Variants in EPHB1 observed in about 807,000 individuals in gnomAD.
The protein encoded by EPHB1 is ephrin type-B receptor 1.
A neutral mutation model predicts 94.4 loss-of-function variants in EPHB1; 30 were observed. The observed-to-expected ratio is 0.32, with a 90% CI of 0.24 to 0.43. The LOEUF is 0.43. Among genes scored for constraint, EPHB1 ranks in the 20% least tolerant of loss-of-function variants. EPHB1 has a pLI of 1.00. For missense variants in EPHB1, 1,055 were observed against 1,308.3 expected (o/e 0.81, Z 2.99); for synonymous variants, 522 against 489.1 (o/e 1.07, Z -0.89).
At chr3:134,897,042 G>A (rs1159015570) in intron 1 of EPHB1, among the ~76,000 whole-genome samples, 1 of 152,220 alleles carries the variant, frequency 6.6e-6, no homozygotes, top group Non-Finnish European at 1.5e-5. Context: ...ATACTTGGAG[G>A]GTTTTTCTGA....
chr3:135,053,163 G>A (rs1002197185), intron 3 of EPHB1, among the ~76,000 whole-genome samples: 1 of 85,580 alleles, frequency 1.2e-5, no homozygotes, highest in Non-Finnish European at 2.1e-5. Context: ...TTCTAGGAAG[G>A]TATTTTTTAG....
chr3:135,201,668 T>C lies in EPHB1; in HGVS notation c.2325T>C (p.Asp775=). The change falls in exon 12 of 16, where the codon GAT becomes GAC. Residue 775 remains aspartate, a synonymous_variant. Coordinates refer to ENST00000398015, the MANE Select transcript of EPHB1 (RefSeq NM_004441.5). Reference sequence around the variant, plus strand: ...GCTACCTCCAGGATGACACCTCAGATCCCACCTACACCAGCTCCTTGGTGA... The same window carrying C: ...GCTACCTCCAGGATGACACCTCAGACCCCACCTACACCAGCTCCTTGGTGA... ...LSRYLQDDTS[D]PTYTSSLGGK... 2 of 1,613,760 alleles carry C rather than the reference T, an allele frequency of 1.2e-6. No individual in the cohort carries two copies. The highest frequency in any genetic ancestry group is 1.7e-6 in the Non-Finnish European group (2 of 1,179,922).
At chr3:135,053,056 A>ATATATATATATATATAT (rs1937239893) in intron 3 of EPHB1, among the ~76,000 whole-genome samples, 4 of 70,068 alleles carry the variant, frequency 5.7e-5, no homozygotes, top group African/African-American at 2.7e-4. Flanking sequence ...TATATATATA[A>ATATATATATATATATAT]AGTTGGTGTG....
intron 3 of EPHB1, among the ~76,000 whole-genome samples, chr3:134,982,950 C>T (rs1018708517): frequency 2.6e-5 from 4 of 152,226 alleles, no homozygotes; most frequent in African/African-American, 9.6e-5. Context: ...CCTGACCCTG[C>T]ATGCCCAGGT....
chr3:135,124,960 C>G (rs536375370), intron 4 of EPHB1, among the ~76,000 whole-genome samples: 1 of 151,654 alleles, frequency 6.6e-6, no homozygotes, highest in Admixed American at 6.5e-5. Context: ...GCACAATTCC[C>G]TCTCTTGAAG....
intron 4 of EPHB1, among the ~76,000 whole-genome samples, chr3:135,118,745 G>C (rs752137983): frequency 1.3e-5 from 2 of 152,212 alleles, no homozygotes; most frequent in Non-Finnish European, 2.9e-5. Flanking sequence ...TCTTCTGTGA[G>C]ACTTGAGAAG....
intron 5 of EPHB1, among the ~76,000 whole-genome samples, chr3:135,152,364 C>T (rs903774661): frequency 2.0e-5 from 3 of 152,184 alleles, no homozygotes; most frequent in East Asian, 3.8e-4. Flanking sequence ...CTCCTGGAGG[C>T]AAGAAGTCTC....
At chr3:134,891,197 C>T (rs1322667272) in intron 1 of EPHB1, among the ~76,000 whole-genome samples, 1 of 152,184 alleles carries the variant, frequency 6.6e-6, no homozygotes, top group Non-Finnish European at 1.5e-5. Flanking sequence ...CTTGCACCTG[C>T]CTCCTAGGCT....
chr3:135,157,439 T>G (rs1428864008), intron 6 of EPHB1, among the ~76,000 whole-genome samples: 3 of 152,184 alleles, frequency 2.0e-5, no homozygotes, highest in Non-Finnish European at 4.4e-5. Flanking sequence ...AACCTCAACT[T>G]TTTATGCTGT....
intron 3 of EPHB1, among the ~76,000 whole-genome samples, chr3:135,021,978 TTTTG>T (rs10662274): frequency 1.4e-4 from 21 of 151,940 alleles, no homozygotes; most frequent in Admixed American, 9.2e-4. Context: ...GAATGTTGTG[TTTTG>T]TTTGTTTGTT....
chr3:135,035,502 G>A (rs1936616107), intron 3 of EPHB1, among the ~76,000 whole-genome samples: 1 of 152,134 alleles, frequency 6.6e-6, no homozygotes, highest in Admixed American at 6.5e-5. Flanking sequence ...TTTAATTAAG[G>A]AGTCTTTTAT....
intron 3 of EPHB1, among the ~76,000 whole-genome samples, chr3:135,018,028 G>A (rs915893792): frequency 2.0e-5 from 3 of 152,286 alleles, no homozygotes; most frequent in Admixed American, 2.0e-4. Context: ...GAGCTCCAGG[G>A]AGGGCAGAGG....
At chr3:135,151,201 G>A (rs375781358) in intron 5 of EPHB1, among the ~76,000 whole-genome samples, 2 of 152,116 alleles carry the variant, frequency 1.3e-5, no homozygotes, top group South Asian at 2.1e-4. Context: ...TATCATATAA[G>A]TCAGATTACA....
chr3:135,220,439 C>G (rs781311109), intron 12 of EPHB1, among the ~76,000 whole-genome samples: 5 of 152,056 alleles, frequency 3.3e-5, no homozygotes, highest in Non-Finnish European at 7.4e-5. Context: ...AGATCCATGT[C>G]GACTTCTAAT....
intron 1 of EPHB1, among the ~76,000 whole-genome samples, chr3:134,905,580 G>A (rs1438134008): frequency 6.6e-6 from 1 of 152,202 alleles, no homozygotes; most frequent in Admixed American, 6.5e-5. Flanking sequence ...GGAAGCCTAA[G>A]GAAAAGAGGA....
Position 135,030,577 on chromosome 3 carries a change from C to A in EPHB1, c.806-75871C>A, listed in dbSNP as rs1401800542. ...GGACCCACTTGAGGAGGCAGTCTGC[C>A]CGTTCTCAGATCTCCAGCTGCGTCC... On this transcript the variant is annotated intron_variant, in intron 3 of 15. Coordinates refer to ENST00000398015, the MANE Select transcript of EPHB1 (RefSeq NM_004441.5). Among the ~76,000 whole-genome samples the A allele has an allele frequency of 2.6e-5, 4 of 152,208 alleles. No individual in the cohort carries two copies. The East Asian group carries it at 7.7e-4, about 29-fold the overall frequency.
rs1413124632 is a variant in EPHB1 at position 135,025,176 on chromosome 3, T to TC, written c.805+73124_805+73125insC. ...CTCCTTCCTTCTTTCTTTTTTTTTT[T>TC]TTTTTCAAGAAGGTTACAAAGAATA... On this transcript the variant is annotated intron_variant, in intron 3 of 15. Coordinates refer to ENST00000398015, the MANE Select transcript of EPHB1 (RefSeq NM_004441.5). Among the ~76,000 whole-genome samples, 641 of 139,860 alleles carry TC rather than the reference T, an allele frequency of 4.6e-3. 9 individuals carry two copies. Among genetic ancestry groups the TC allele is most frequent in the African/African-American group, 0.016 (607 of 39,038 alleles). 91.8% of individuals were successfully genotyped at this position (139,860 alleles called of 152,430 possible).
intron 5 of EPHB1, among the ~76,000 whole-genome samples, chr3:135,134,740 G>A (rs915174371): frequency 6.6e-6 from 1 of 152,194 alleles, no homozygotes; most frequent in Non-Finnish European, 1.5e-5. Context: ...GAAGAGTTTA[G>A]GCAGAAAACT....
At position 135,248,745 on chromosome 3, in the gene EPHB1, T is replaced by A. The variant is rs570241718; in HGVS notation, c.2690+236T>A. Among the ~76,000 whole-genome samples the A allele has an allele frequency of 1.2e-4, 18 of 151,358 alleles. No individual in the cohort carries two copies. The East Asian group carries it at 3.3e-3, about 28-fold the overall frequency. ...ATGGTTGTGGAAAAAAGTAAACGAG[T>A]TTTGGGGATTTGAGAGACAAAATCT... is the stretch of plus-strand genomic sequence containing the variant. On this transcript the variant is annotated intron_variant, in intron 14 of 15. Transcript: ENST00000398015.
Sources: allele counts gnomAD v4.1 joint callset (sites outside exome capture counted in the v4.1 genomes callset), GRCh38; gene constraint gnomAD v4.1.1; transcripts MANE v1.5; gene names NCBI Gene and HGNC (gene_info 2026-07-23, HGNC 2026-07-21).